The following PCDHA5 variants were observed in gnomAD, a reference collection of about 807,000 sequenced individuals.
PCDHA5 encodes the protein protocadherin alpha 5.
PCDHA5 carries 43 observed loss-of-function variants against 61.6 expected under a neutral mutation model. That is an observed-to-expected ratio of 0.70 (90% CI 0.55 to 0.90). The LOEUF (loss-of-function observed/expected upper bound fraction) is 0.90, where lower values mean the gene tolerates loss of function less well. PCDHA5 is among the 40% of genes least tolerant of loss of function. The pLI, the probability that PCDHA5 is intolerant of heterozygous loss-of-function variation, is 0.00. For synonymous variants in PCDHA5, 627 were observed against 543.9 expected, an observed-to-expected ratio of 1.15 and a Z score of -2.13; for missense variants, 1,298 against 1,222.7, an observed-to-expected ratio of 1.06 and a Z score of -0.92.
chr5:140,891,589 C>T (rs1459113596), intron 1 of PCDHA5, among the ~76,000 whole-genome samples: 1 of 152,166 alleles, frequency 6.6e-6, no homozygotes, highest in East Asian at 1.9e-4. Context: ...TCTTATTACT[C>T]TATCCCATCT....
chr5:140,824,252 A>G (rs2150133638), intron 1 of PCDHA5, 125 bp downstream of exon 1: 1 of 1,373,244 alleles, frequency 7.3e-7, no homozygotes, highest in South Asian at 1.3e-5. Context: ...GTACACAATT[A>G]TTGCACTAAT....
Position 140,924,253 on chromosome 5 carries a change from A to T in PCDHA5, c.2353-54696A>T, listed in dbSNP as rs550218351. ...ATGGGCTGTTTTGCATCCTGGTGAGATCTAATGAGGTCTGTACTTGTGACT... is the reference window on the plus strand; with the variant it reads ...ATGGGCTGTTTTGCATCCTGGTGAGTTCTAATGAGGTCTGTACTTGTGACT... On this transcript the variant is annotated intron_variant, in intron 1 of 3. Coordinates refer to ENST00000529859, the MANE Select transcript of PCDHA5 (RefSeq NM_018908.3). Among the ~76,000 whole-genome samples, 68 of 152,330 alleles carry T rather than the reference A, an allele frequency of 4.5e-4. No homozygotes were observed. In the South Asian group the frequency reaches 0.013, roughly 29 times the overall value.
intron 3 of PCDHA5, among the ~76,000 whole-genome samples, chr5:141,006,057 A>G (rs2098253248): frequency 6.6e-6 from 1 of 152,022 alleles, no homozygotes. Context: ...AGAGTGGAGA[A>G]GAAATAAAAA....
rs1195696269 is a variant in PCDHA5, at chr5:141,010,821, TTTG to T, written c.*890_*892del. ...AACCCCGACACCTCACCTTTCGCTG[TTTG>T]TTGTTTCATAGATTTATTTAAAAAA... is the stretch of plus-strand genomic sequence containing the variant. On this transcript the variant is annotated 3_prime_UTR_variant, in exon 4 of 4. Coordinates refer to ENST00000529859, the MANE Select transcript of PCDHA5 (RefSeq NM_018908.3). 3 of 153,772 alleles carry T rather than the reference TTTG, an allele frequency of 2.0e-5. No individual in the cohort carries two copies. The highest frequency in any genetic ancestry group is 4.4e-5 in the Non-Finnish European group (3 of 68,048). 9.5% of individuals were successfully genotyped at this position (153,772 alleles called of 1,614,324 possible).
At chr5:140,833,764 A>G (rs1310770035) in intron 1 of PCDHA5, among the ~76,000 whole-genome samples, 2 of 151,920 alleles carry the variant, frequency 1.3e-5, no homozygotes, top group African/African-American at 4.8e-5. Context: ...ACACACACAC[A>G]CACCGCTTTC....
At chr5:140,936,875 C>T (rs1052156307) in intron 1 of PCDHA5, among the ~76,000 whole-genome samples, 13 of 151,832 alleles carry the variant, frequency 8.6e-5, no homozygotes, top group Non-Finnish European at 1.5e-5. Flanking sequence ...TTTAAAAAAC[C>T]CTGCTTTGAT....
Position 140,843,432 on chromosome 5 carries a change from T to C in PCDHA5, c.2352+19305T>C. The C allele has an allele frequency of 3.1e-6, 5 of 1,596,056 alleles. 1 individual carries two copies. The highest frequency in any genetic ancestry group is 4.3e-6 in the Non-Finnish European group (5 of 1,165,572). ...GTCAACGTGTACCTGATCATCGCCA[T>C]CTGCGCGGTATCCAGCCTGCTGGTG... On this transcript the variant is annotated intron_variant, in intron 1 of 3. Coordinates refer to ENST00000529859, the MANE Select transcript of PCDHA5 (RefSeq NM_018908.3).
chr5:140,860,551 GA>G (rs781917307), intron 1 of PCDHA5: 4 of 152,042 alleles, frequency 2.6e-5, no homozygotes, highest in Non-Finnish European at 5.9e-5. Context: ...ACCCACCTTT[GA>G]AGAGGTACTG....
chr5:140,892,826 C>T (rs1554185388), intron 1 of PCDHA5, among the ~76,000 whole-genome samples: 1 of 152,166 alleles, frequency 6.6e-6, no homozygotes, highest in Non-Finnish European at 1.5e-5. Flanking sequence ...TACAGTGCTA[C>T]AGTGCTGCAA....
chr5:140,829,393 G>T (rs2150166989), intron 1 of PCDHA5: 5 of 1,614,050 alleles, frequency 3.1e-6, no homozygotes, highest in Admixed American at 3.3e-5. Context: ...GCTCGCCTTC[G>T]CTGTGGGCCA....
chr5:140,852,133 A>G, intron 1 of PCDHA5: 1 of 888,968 alleles, frequency 1.1e-6, no homozygotes, highest in Non-Finnish European at 1.4e-6. Context: ...AAAACTCAGT[A>G]GAGAAAGATC....
At position 140,823,211 on chromosome 5, in the gene PCDHA5, G is replaced by C. The variant is rs782216490; in HGVS notation, c.1436G>C (p.Arg479Pro). 5 of 1,613,796 alleles carry C rather than the reference G, an allele frequency of 3.1e-6. No homozygotes were observed. The highest frequency in any genetic ancestry group is 1.3e-5 in the African/African-American group (1 of 75,056). The change falls in exon 1 of 4, where the codon CGG (arginine) becomes CCG (proline). Residue 479 changes from arginine to proline, a missense_variant. Arg to Pro is a moderately radical substitution (Grantham distance 103, BLOSUM62 -2). Transcript: ENST00000529859. ...PGCHIFTVSARDADAQENALV... is the reference protein window; with the variant it reads ...PGCHIFTVSAPDADAQENALV... ...TGCCACATCTTCACGGTGTCTGCAC[G>C]GGACGCGGACGCGCAGGAGAACGCC...
In PCDHA5 at chr5:141,010,294, C is replaced by T. The variant is rs545906858; in HGVS notation, c.*357C>T. ...TCCTGTCTTGATGACACTTGCAGGG[C>T]AGGCTGAAAAGTTTTGAGATTGAGC... On this transcript the variant is annotated 3_prime_UTR_variant, in exon 4 of 4. Coordinates refer to ENST00000529859, the MANE Select transcript of PCDHA5 (RefSeq NM_018908.3). 3.2e-6 allele frequency: 5 copies of T among 1,549,782 alleles called. No homozygotes were observed. Among genetic ancestry groups the T allele is most frequent in the Non-Finnish European group, 4.4e-6 (5 of 1,146,446 alleles).
chr5:140,944,984 T>A (rs972607288), intron 1 of PCDHA5, among the ~76,000 whole-genome samples: 6 of 152,184 alleles, frequency 3.9e-5, no homozygotes, highest in Non-Finnish European at 8.8e-5. Context: ...GTGGGTCTAC[T>A]TCTGTAACGG....
intron 1 of PCDHA5, chr5:140,836,212 A>T: frequency 6.2e-7 from 1 of 1,613,756 alleles, no homozygotes. Flanking sequence ...CTTTCGTATG[A>T]GTTGCAACCG....
Position 140,822,086 on chromosome 5 carries a change from A to G in PCDHA5, c.311A>G (p.His104Arg). 1.2e-6 allele frequency: 2 copies of G among 1,614,198 alleles called. No individual in the cohort carries two copies. The highest frequency in any genetic ancestry group is 1.7e-6 in the Non-Finnish European group (2 of 1,180,032). Residue 104 changes from histidine to arginine, a missense_variant, in exon 1 of 4, where the codon CAC becomes CGC. His to Arg is a conservative substitution (Grantham distance 29, BLOSUM62 0). Transcript: ENST00000529859. ...LCRRRAECSIHLEVIVDRPLQ... is the reference protein window; with the variant it reads ...LCRRRAECSIRLEVIVDRPLQ... The stretch of plus-strand genomic sequence containing the variant: ...CGGCGGAGGGCGGAGTGCAGCATCC[A>G]CCTGGAGGTGATCGTGGACAGGCCG...
rs781784518 is a variant in PCDHA5, at chr5:140,857,448, A to G, written c.2352+33321A>G. The G allele has an allele frequency of 6.3e-7, 1 of 1,597,896 alleles. No homozygotes were observed. Among genetic ancestry groups the G allele is most frequent in the Non-Finnish European group, 8.6e-7 (1 of 1,167,724 alleles). ...TACACGGTGTTCGTGAAGGAGAACA[A>G]CCCGCCAGGCTGCCACATCTTCACG... On this transcript the variant is annotated intron_variant, in intron 1 of 3. Coordinates refer to ENST00000529859, the MANE Select transcript of PCDHA5 (RefSeq NM_018908.3).
At chr5:140,875,667 G>A (rs376967983) in intron 1 of PCDHA5, 10 of 1,613,820 alleles carry the variant, frequency 6.2e-6, no homozygotes, top group East Asian at 4.5e-5. Flanking sequence ...GCCTGTTCCG[G>A]GTGGCGTCCA....
At chr5:140,935,564 T>A (rs1554210560) in intron 1 of PCDHA5, among the ~76,000 whole-genome samples, 1 of 152,236 alleles carries the variant, frequency 6.6e-6, no homozygotes, top group Non-Finnish European at 1.5e-5. Context: ...GAAAAGTTCC[T>A]CTCTGTGTAG....
Sources: gnomAD v4.1 joint callset for allele counts (sites outside exome capture counted in the v4.1 genomes callset) on GRCh38, gnomAD v4.1.1 for gene constraint, MANE v1.5 for transcripts, NCBI Gene and HGNC (gene_info 2026-07-23, HGNC 2026-07-21) for gene names.